CDKL5: variants seen among roughly 807,000 people sequenced by gnomAD.
CDKL5 encodes the protein cyclin dependent kinase like 5.
CDKL5 carries 8 observed loss-of-function variants against 61.7 expected under a neutral mutation model. That is an observed-to-expected ratio of 0.13 (90% confidence interval 0.08 to 0.23). CDKL5 has a LOEUF of 0.23. Among genes scored for constraint, CDKL5 ranks in the 10% least tolerant of loss-of-function variants. CDKL5 has a pLI of 1.00. For synonymous variants in CDKL5, 275 were observed against 272.3 expected (o/e 1.01, Z -0.10); for missense variants, 440 against 734.5 (o/e 0.60, Z 4.63).
chrX:18,564,578 T>A, intron 4 of CDKL5, 56 bp downstream of exon 4: 1 of 456,572 alleles, frequency 2.2e-6, no homozygotes, highest in Non-Finnish European at 3.2e-6. Flanking sequence ...TCCTTCTGTA[T>A]AAAGTTTTTA....
chrX:18,564,539 A>ATG lies in CDKL5; in HGVS notation c.145+18_145+19insGT. The ATG allele has an allele frequency of 1.6e-6, 1 of 626,718 alleles. No homozygotes were observed. Among genetic ancestry groups the ATG allele is most frequent in the Non-Finnish European group, 2.2e-6 (1 of 444,971 alleles). 51.6% of individuals were successfully genotyped at this position (626,718 alleles called of 1,213,427 possible). On this transcript the variant is annotated intron_variant, in intron 4 of 17. Coordinates refer to ENST00000623535, the MANE Select transcript of CDKL5 (RefSeq NM_001323289.2). ...ACAGTGAAGGTAGATATATATATATATATATATATATCTGTATATATGTAT... is the reference window on the plus strand; with the variant it reads ...ACAGTGAAGGTAGATATATATATATATGTATATATATATCTGTATATATGTAT...
At position 18,629,626 on chromosome X, in the gene CDKL5, C is replaced by G. The variant is rs1927178007; in HGVS notation, c.*869C>G. Reference sequence around the variant, plus strand: ...CGTGACTGTAACAGTATGAACCTTGCTCAACTTTGAGGCCCCAGCAGTAGC... The same window carrying G: ...CGTGACTGTAACAGTATGAACCTTGGTCAACTTTGAGGCCCCAGCAGTAGC... On this transcript the variant is annotated 3_prime_UTR_variant, in exon 18 of 18. Coordinates refer to ENST00000623535, the MANE Select transcript of CDKL5 (RefSeq NM_001323289.2). 5.3e-6 allele frequency: 4 copies of G among 752,044 alleles called. No homozygotes were observed. The highest frequency in any genetic ancestry group is 2.3e-5 in the African/African-American group (1 of 43,098). The allele number at this position is 752,044 out of a possible 1,213,427, so 62.0% of individuals were successfully genotyped here. A position where few individuals can be genotyped will look rare whatever the true frequency, so the allele number is the denominator to read the frequency against.
intron 1 of CDKL5, among the ~76,000 whole-genome samples, chrX:18,433,949 G>T (rs993845847): frequency 8.9e-6 from 1 of 112,353 alleles, no homozygotes; most frequent in Non-Finnish European, 1.9e-5. Context: ...CGTAGAGCAG[G>T]CTTCATCAAA....
At chrX:18,613,825 C>T (rs1383376137) in intron 15 of CDKL5, among the ~76,000 whole-genome samples, 2 of 111,987 alleles carry the variant, frequency 1.8e-5, no homozygotes, top group Non-Finnish European at 3.8e-5. Flanking sequence ...AATAGGGGAA[C>T]AGTCCTTTAT....
intron 14 of CDKL5, among the ~76,000 whole-genome samples, chrX:18,610,129 T>G (rs772008128): frequency 1.0e-5 from 1 of 95,283 alleles, no homozygotes; most frequent in Non-Finnish European, 2.1e-5. Context: ...TTTTGGTGGC[T>G]TCCCATTGGC....
At chrX:18,494,008 G>A (rs1336436049) in intron 1 of CDKL5, among the ~76,000 whole-genome samples, 2 of 111,263 alleles carry the variant, frequency 1.8e-5, no homozygotes, top group South Asian at 3.8e-4. Context: ...TCGACTTCCT[G>A]TGTTCAAATG....
At chrX:18,550,823 G>A (rs997085394) in intron 3 of CDKL5, among the ~76,000 whole-genome samples, 2 of 112,644 alleles carry the variant, frequency 1.8e-5, no homozygotes, top group Non-Finnish European at 3.7e-5. Context: ...CAGTATAGAC[G>A]TGATGGTTAA....
intron 1 of CDKL5, among the ~76,000 whole-genome samples, chrX:18,434,434 A>G (rs1018167955): frequency 4.5e-5 from 5 of 111,673 alleles, no homozygotes; most frequent in African/African-American, 1.6e-4. Context: ...TCTGATATTA[A>G]TATTTTACTG....
chrX:18,612,510 A>T (rs867407048), intron 14 of CDKL5, among the ~76,000 whole-genome samples: 1 of 110,213 alleles, frequency 9.1e-6, no homozygotes, highest in Non-Finnish European at 1.9e-5. Context: ...TCTACAAAAA[A>T]TTAGCCAGGT....
intron 1 of CDKL5, among the ~76,000 whole-genome samples, chrX:18,498,076 C>T (rs753218310): frequency 1.5e-4 from 17 of 110,581 alleles, no homozygotes; most frequent in East Asian, 5.7e-4. Context: ...GTGATCCTTC[C>T]GCCTCAGCCT....
chrX:18,427,122 A>T (rs1053970006), intron 1 of CDKL5, among the ~76,000 whole-genome samples: 6 of 111,181 alleles, frequency 5.4e-5, no homozygotes, highest in African/African-American at 2.0e-4. Flanking sequence ...CGAGAATATG[A>T]TAGGTTGAGT....
intron 3 of CDKL5, among the ~76,000 whole-genome samples, chrX:18,556,988 C>G (rs1000063721): frequency 1.8e-5 from 2 of 110,135 alleles, no homozygotes; most frequent in African/African-American, 6.6e-5. Context: ...TTTACTTATG[C>G]TCAGGGAGCA....
At chrX:18,606,681 G>A (rs1358038762) in intron 12 of CDKL5, among the ~76,000 whole-genome samples, 1 of 112,442 alleles carries the variant, frequency 8.9e-6, no homozygotes, top group East Asian at 2.8e-4. Context: ...AGGAAAGAGG[G>A]AAGAAAAGAG....
chrX:18,445,686 C>A (rs1163862129), intron 1 of CDKL5, among the ~76,000 whole-genome samples: 2 of 111,383 alleles, frequency 1.8e-5, no homozygotes, highest in Non-Finnish European at 3.8e-5. Context: ...TTATAAGGGG[C>A]TCTTCACCCT....
At chrX:18,481,320 GTTTCTTTCTTTCTTTCTTTC>G (rs201816691) in intron 1 of CDKL5, among the ~76,000 whole-genome samples, 136 of 84,686 alleles carry the variant, frequency 1.6e-3, no homozygotes, top group African/African-American at 3.2e-3. Context: ...AAGAGTCCTG[GTTTCTTTCTTTCTTTCTTTC>G]TTTCTTTCTT....
intron 1 of CDKL5, among the ~76,000 whole-genome samples, chrX:18,473,923 T>A (rs1440688502): frequency 4.9e-5 from 5 of 101,813 alleles, no homozygotes; most frequent in Non-Finnish European, 8.0e-5. Context: ...TGAGACGGAG[T>A]TTTGCTCTTG....
chrX:18,486,684 A>T (rs1921804636), intron 1 of CDKL5, among the ~76,000 whole-genome samples: 1 of 112,034 alleles, frequency 8.9e-6, no homozygotes, highest in South Asian at 3.7e-4. Context: ...ATGTACTATG[A>T]TTATCATGTA....
At chrX:18,521,429 G>A (rs973069616) in intron 3 of CDKL5, among the ~76,000 whole-genome samples, 3 of 110,886 alleles carry the variant, frequency 2.7e-5, no homozygotes, top group South Asian at 3.8e-4. Flanking sequence ...AACCATTGCC[G>A]AATCCAATGT....
At chrX:18,540,041 T>A (rs1020491125) in intron 3 of CDKL5, among the ~76,000 whole-genome samples, 1 of 112,507 alleles carries the variant, frequency 8.9e-6, no homozygotes, top group African/African-American at 3.2e-5. Context: ...CAAATCTGAT[T>A]TATGAAACTC....
Sources: allele counts gnomAD v4.1 joint callset (sites outside exome capture counted in the v4.1 genomes callset), GRCh38; gene constraint gnomAD v4.1.1; transcripts MANE v1.5; gene names NCBI Gene and HGNC (gene_info 2026-07-23, HGNC 2026-07-21).